Variants in VPS13A observed in about 807,000 individuals in gnomAD.
VPS13A encodes the protein intermembrane lipid transfer protein VPS13A.
In VPS13A, 264 loss-of-function variants were observed where a neutral mutation model predicts 390.9. The ratio of observed to expected loss-of-function variants is 0.68; its 90% CI spans 0.61 to 0.75. VPS13A has a LOEUF of 0.75. Ranked by LOEUF, VPS13A falls within the 30% of genes least tolerant of loss-of-function variation. The pLI is 0.00. For synonymous variants in VPS13A, 1,231 were observed against 1,227.1 expected, an observed-to-expected ratio of 1.00 and a Z score of -0.07; for missense variants, 3,409 against 3,733.9, an observed-to-expected ratio of 0.91 and a Z score of 2.27.
chr9:77,212,761 T>C (rs1826041269), intron 7 of VPS13A, among the ~76,000 whole-genome samples: 1 of 152,192 alleles, frequency 6.6e-6, no homozygotes, highest in South Asian at 2.1e-4. Context: ...GCCTGTTTCT[T>C]TGTTTGCTTT....
At chr9:77,353,871 T>C (rs1287558544) in intron 54 of VPS13A, among the ~76,000 whole-genome samples, 1 of 152,114 alleles carries the variant, frequency 6.6e-6, no homozygotes, top group Admixed American at 6.6e-5. Flanking sequence ...CTTCCACTTA[T>C]CTAAAAAGTT....
At chr9:77,382,385 T>G in intron 68 of VPS13A, 1 of 1,469,418 alleles carries the variant, frequency 6.8e-7, no homozygotes. Flanking sequence ...GTTTCAGTAT[T>G]TTGAATACAA....
chr9:77,290,028 C>T (rs751601498), intron 31 of VPS13A, among the ~76,000 whole-genome samples: 1 of 152,166 alleles, frequency 6.6e-6, no homozygotes, highest in Non-Finnish European at 1.5e-5. Flanking sequence ...GTGATTCACC[C>T]ACCTAGGCCC....
At chr9:77,213,750 C>T (rs1005141326) in intron 9 of VPS13A, among the ~76,000 whole-genome samples, 2 of 152,060 alleles carry the variant, frequency 1.3e-5, no homozygotes, top group African/African-American at 4.8e-5. Context: ...GCAATCCTCC[C>T]AACTCAGCCT....
intron 34 of VPS13A, among the ~76,000 whole-genome samples, chr9:77,307,103 C>G (rs375119112): frequency 2.0e-5 from 3 of 151,900 alleles, no homozygotes; most frequent in African/African-American, 7.3e-5. Flanking sequence ...GGGGTTTCAC[C>G]GTGTTGGCTG....
chr9:77,211,491 A>G (rs560304445), intron 7 of VPS13A: 4 of 152,106 alleles, frequency 2.6e-5, no homozygotes, highest in East Asian at 1.9e-4. Context: ...TGTTGTATCT[A>G]TTGGGTTTTG....
At chr9:77,383,649 T>C (rs574080857) in intron 68 of VPS13A, among the ~76,000 whole-genome samples, 1 of 152,154 alleles carries the variant, frequency 6.6e-6, no homozygotes, top group South Asian at 2.1e-4. Context: ...TGGTTGATAA[T>C]TTGATTTTAG....
At chr9:77,361,367 T>C (rs1036016115) in intron 59 of VPS13A, among the ~76,000 whole-genome samples, 2 of 152,106 alleles carry the variant, frequency 1.3e-5, no homozygotes, top group Non-Finnish European at 2.9e-5. Flanking sequence ...CTTCTTTGAC[T>C]TAGAATAATG....
At chr9:77,285,902 C>T (rs1827294634) in intron 31 of VPS13A, among the ~76,000 whole-genome samples, 1 of 152,074 alleles carries the variant, frequency 6.6e-6, no homozygotes, top group African/African-American at 2.4e-5. Context: ...CCATTTGTTG[C>T]TATCTTATTT....
chr9:77,374,808 G>A (rs866738833), intron 67 of VPS13A, among the ~76,000 whole-genome samples: 1 of 152,134 alleles, frequency 6.6e-6, no homozygotes, highest in Non-Finnish European at 1.5e-5. Flanking sequence ...ACATATAACA[G>A]ATGATAAAAT....
chr9:77,287,496 C>T (rs1827402683), intron 31 of VPS13A, among the ~76,000 whole-genome samples: 2 of 152,010 alleles, frequency 1.3e-5, no homozygotes, highest in South Asian at 4.1e-4. Flanking sequence ...CAGCGCCTGG[C>T]CTATTTGAGA....
intron 71 of VPS13A, among the ~76,000 whole-genome samples, chr9:77,413,662 A>T (rs1213442755): frequency 1.3e-5 from 2 of 152,240 alleles, no homozygotes; most frequent in Non-Finnish European, 2.9e-5. Flanking sequence ...AGGCAATACC[A>T]TTCAGGACAT....
chr9:77,333,426 A>ATTTTTTTTT (rs34369162), intron 46 of VPS13A, among the ~76,000 whole-genome samples: 6 of 107,668 alleles, frequency 5.6e-5, no homozygotes, highest in Admixed American at 1.1e-4. Context: ...CTCATTAGGC[A>ATTTTTTTTT]TTTTTTTTTT....
At chr9:77,382,411 T>C in intron 68 of VPS13A, 7 of 1,437,976 alleles carry the variant, frequency 4.9e-6, no homozygotes, top group South Asian at 1.6e-5. Flanking sequence ...ACCTTTTGTA[T>C]TGGTAACTTT....
In VPS13A at chr9:77,275,973, A is replaced by G. The variant is rs796182457; in HGVS notation, c.2668-92A>G. ...TTTTAAATAATAATATATCAATTGTATGTATACCTCATATATTCACATGTA... is the reference window on the plus strand; with the variant it reads ...TTTTAAATAATAATATATCAATTGTGTGTATACCTCATATATTCACATGTA... On this transcript the variant is annotated intron_variant, in intron 25 of 71. Coordinates refer to ENST00000360280, the MANE Select transcript of VPS13A (RefSeq NM_033305.3). 3.1e-6 allele frequency: 4 copies of G among 1,296,994 alleles called. No individual in the cohort carries two copies. The African/African-American group carries it at 4.4e-5, about 14-fold the overall frequency. The allele number at this position is 1,296,994 out of a possible 1,614,324, so 80.3% of individuals were successfully genotyped here. A position where few individuals can be genotyped will look rare whatever the true frequency, so the allele number is the denominator to read the frequency against.
At chr9:77,343,594 G>A (rs1830962193) in intron 50 of VPS13A, among the ~76,000 whole-genome samples, 1 of 152,060 alleles carries the variant, frequency 6.6e-6, no homozygotes, top group East Asian at 1.9e-4. Context: ...TATTCTTTTA[G>A]TTTGGTTTCC....
At chr9:77,306,726 A>C (rs1828774272) in intron 34 of VPS13A, among the ~76,000 whole-genome samples, 1 of 152,028 alleles carries the variant, frequency 6.6e-6, no homozygotes, top group African/African-American at 2.4e-5. Context: ...GAGTCTAGAG[A>C]TTTAAATATT....
chr9:77,382,617 C>T lies in VPS13A; in HGVS notation c.9189+530C>T, dbSNP rs1049517680. Reference sequence around the variant, plus strand: ...TATACCAGATATATAATCCTTATATCCAATTACACATGAAGAAGGAAAAGC... The same window carrying T: ...TATACCAGATATATAATCCTTATATTCAATTACACATGAAGAAGGAAAAGC... On this transcript the variant is annotated intron_variant, in intron 68 of 71. Transcript: ENST00000360280. 3.1e-4 allele frequency: 318 copies of T among 1,032,758 alleles called. 1 individual carries two copies. Among genetic ancestry groups the T allele is most frequent in the Non-Finnish European group, 3.4e-4 (291 of 860,642 alleles). 64.0% of individuals were successfully genotyped at this position (1,032,758 alleles called of 1,614,324 possible).
At chr9:77,308,316 T>C (rs1828886568) in intron 35 of VPS13A, among the ~76,000 whole-genome samples, 1 of 152,122 alleles carries the variant, frequency 6.6e-6, no homozygotes, top group African/African-American at 2.4e-5. Context: ...AAATTGTCTA[T>C]GTTATTAGTC....
Sources: gnomAD v4.1 joint callset for allele counts (sites outside exome capture counted in the v4.1 genomes callset) on GRCh38, gnomAD v4.1.1 for gene constraint, MANE v1.5 for transcripts, NCBI Gene and HGNC (gene_info 2026-07-23, HGNC 2026-07-21) for gene names.